The following SAMD12 variants were observed in gnomAD, a reference collection of about 807,000 sequenced individuals.
SAMD12 encodes the protein sterile alpha motif domain containing 12, also known as sterile alpha motif domain-containing protein 12.
SAMD12 carries 9 observed loss-of-function variants against 15.0 expected under a neutral mutation model. The ratio of observed to expected loss-of-function variants is 0.60; its 90% CI spans 0.36 to 1.05. SAMD12 has a LOEUF of 1.05. Ranked by LOEUF, SAMD12 falls within the 50% of genes least tolerant of loss-of-function variation. SAMD12 has a pLI of 0.01. For synonymous variants in SAMD12, 86 were observed against 90.1 expected, an observed-to-expected ratio of 0.96 and a Z score of 0.25; for missense variants, 230 against 234.2, an observed-to-expected ratio of 0.98 and a Z score of 0.12.
At chr8:118,219,994 ACT>A (rs1410812841) in intron 4 of SAMD12, among the ~76,000 whole-genome samples, 1 of 152,246 alleles carries the variant, frequency 6.6e-6, no homozygotes. Flanking sequence ...CTGAGTTTCC[ACT>A]GTTTACCTGA....
intron 4 of SAMD12, among the ~76,000 whole-genome samples, chr8:118,205,090 A>G (rs1819824456): frequency 6.6e-6 from 1 of 152,222 alleles, no homozygotes; most frequent in Non-Finnish European, 1.5e-5. Context: ...CAATCCATCG[A>G]AGGCCTAAAG....
chr8:118,288,078 A>G (rs1006110356), intron 4 of SAMD12, among the ~76,000 whole-genome samples: 1 of 152,228 alleles, frequency 6.6e-6, no homozygotes, highest in Non-Finnish European at 1.5e-5. Flanking sequence ...TATGAGCAGT[A>G]AATTTTTATA....
At chr8:118,451,089 A>G (rs1337391400) in intron 2 of SAMD12, among the ~76,000 whole-genome samples, 1 of 152,204 alleles carries the variant, frequency 6.6e-6, no homozygotes, top group Non-Finnish European at 1.5e-5. Context: ...TACTGCTAGT[A>G]GAGAAACATG....
intron 2 of SAMD12, among the ~76,000 whole-genome samples, chr8:118,441,352 T>TA (rs1160127883): frequency 1.3e-5 from 2 of 151,704 alleles, no homozygotes; most frequent in African/African-American, 2.4e-5. Context: ...CAATTTTTAA[T>TA]AAAAAAATAA....
intron 4 of SAMD12, among the ~76,000 whole-genome samples, chr8:118,351,956 A>G (rs576359385): frequency 1.3e-5 from 2 of 152,206 alleles, no homozygotes; most frequent in African/African-American, 2.4e-5. Context: ...CTTTATGTGT[A>G]TTAGGATTAT....
At chr8:118,473,694 C>T (rs1823873820) in intron 2 of SAMD12, among the ~76,000 whole-genome samples, 1 of 152,182 alleles carries the variant, frequency 6.6e-6, no homozygotes, top group Non-Finnish European at 1.5e-5. Flanking sequence ...TCATCATGCA[C>T]CTTCACGCAC....
intron 4 of SAMD12, among the ~76,000 whole-genome samples, chr8:118,272,239 T>TG (rs1446207870): frequency 6.6e-6 from 1 of 152,234 alleles, no homozygotes; most frequent in African/African-American, 2.4e-5. Flanking sequence ...TGCCAAGGCT[T>TG]GGGGCTTACA....
At chr8:118,267,264 A>G (rs1336215149) in intron 4 of SAMD12, among the ~76,000 whole-genome samples, 5 of 152,152 alleles carry the variant, frequency 3.3e-5, no homozygotes, top group African/African-American at 1.2e-4. Flanking sequence ...ATTTTGAAGA[A>G]GGTAGGTTAC....
At chr8:118,585,131 T>C (rs1827404311) in intron 1 of SAMD12, among the ~76,000 whole-genome samples, 1 of 152,160 alleles carries the variant, frequency 6.6e-6, no homozygotes, top group African/African-American at 2.4e-5. Flanking sequence ...GGAATGGCAT[T>C]CTCATCCATA....
At chr8:118,440,842 A>T (rs1313933044) in intron 2 of SAMD12, among the ~76,000 whole-genome samples, 2 of 152,148 alleles carry the variant, frequency 1.3e-5, no homozygotes, top group African/African-American at 4.8e-5. Context: ...TCTCCCTCAG[A>T]GATCCCAGGA....
intron 2 of SAMD12, among the ~76,000 whole-genome samples, chr8:118,543,119 C>G (rs1373771725): frequency 6.6e-6 from 1 of 152,080 alleles, no homozygotes; most frequent in Admixed American, 6.5e-5. Flanking sequence ...AGTTCCCTCT[C>G]CAAAGAAAAT....
intron 2 of SAMD12, among the ~76,000 whole-genome samples, chr8:118,458,060 A>G (rs1187094008): frequency 1.3e-5 from 2 of 152,208 alleles, no homozygotes; most frequent in Non-Finnish European, 2.9e-5. Context: ...CAGAAGCAGA[A>G]AAACTCTCCC....
At chr8:118,468,297 G>A (rs1270252765) in intron 2 of SAMD12, among the ~76,000 whole-genome samples, 1 of 151,852 alleles carries the variant, frequency 6.6e-6, no homozygotes, top group Non-Finnish European at 1.5e-5. Flanking sequence ...AGCAAGGAGA[G>A]ATGGGTTTTT....
chr8:118,194,349 T>A (rs974314251), exon 5 of SAMD12: 1 of 152,110 alleles, frequency 6.6e-6, no homozygotes, highest in Non-Finnish European at 1.5e-5. Context: ...GAGCAAGGAT[T>A]TGAAGGTACG....
chr8:118,300,807 T>C (rs933139300), intron 4 of SAMD12, among the ~76,000 whole-genome samples: 1 of 152,202 alleles, frequency 6.6e-6, no homozygotes. Flanking sequence ...TACTGATAGG[T>C]AGCGCATGTT....
chr8:118,174,179 G>A, the SAMD12 span, among the ~76,000 whole-genome samples: 1 of 152,130 alleles, frequency 6.6e-6, no homozygotes, highest in Non-Finnish European at 1.5e-5. Flanking sequence ...ATTGATCTGA[G>A]GATTCAATGG....
intron 2 of SAMD12, among the ~76,000 whole-genome samples, chr8:118,548,809 G>A (rs948026860): frequency 1.3e-5 from 2 of 152,190 alleles, no homozygotes; most frequent in Non-Finnish European, 2.9e-5. Flanking sequence ...CTGGAAAATC[G>A]GGTCACTCCC....
the SAMD12 span, among the ~76,000 whole-genome samples, chr8:118,175,367 T>C: frequency 6.6e-6 from 1 of 152,192 alleles, no homozygotes; most frequent in Admixed American, 6.5e-5. Flanking sequence ...AAGAATTAAA[T>C]GTAAAACCTA....
Position 118,242,700 on chromosome 8 carries a change from C to A in SAMD12, c.434-44968G>T, listed in dbSNP as rs114716584. On this transcript the variant is annotated intron_variant, in intron 4 of 4. Coordinates refer to the SAMD12 transcript ENST00000409003. ...CTATAAACAGAAAAAAAAGGCATGA[C>A]CACCTTCCCTGCCCCTGCCACATCC... 7.7e-3 allele frequency among the ~76,000 whole-genome samples: 1,171 copies of A among 152,110 alleles called. 23 individuals are homozygous for A. The highest frequency in any genetic ancestry group is 0.027 in the African/African-American group (1,129 of 41,482).
Sources: allele counts gnomAD v4.1 joint callset (sites outside exome capture counted in the v4.1 genomes callset), GRCh38; gene constraint gnomAD v4.1.1; transcripts MANE v1.5; gene names NCBI Gene and HGNC (gene_info 2026-07-23, HGNC 2026-07-21).